The following CEPT1 variants were observed in gnomAD, a reference collection of about 807,000 sequenced individuals.
CEPT1 encodes the protein choline/ethanolamine phosphotransferase 1.
In CEPT1, 7 loss-of-function variants were observed where a neutral mutation model predicts 42.6. That is an observed-to-expected ratio of 0.16 (90% confidence interval 0.09 to 0.31). CEPT1 has a LOEUF of 0.31. Among genes scored for constraint, CEPT1 ranks in the 10% least tolerant of loss-of-function variants. CEPT1 has a pLI of 1.00. For missense variants in CEPT1, 306 were observed against 502.1 expected, an observed-to-expected ratio of 0.61 and a Z score of 3.73; for synonymous variants, 171 against 171.9, an observed-to-expected ratio of 0.99 and a Z score of 0.04.
intron 4 of CEPT1, among the ~76,000 whole-genome samples, chr1:111,163,952 A>G (rs1281232503): frequency 3.9e-5 from 6 of 152,142 alleles, no homozygotes; most frequent in Non-Finnish European, 2.9e-5. Flanking sequence ...ATTTATTTGA[A>G]TTGTTTTATT....
chr1:111,149,451 C>T (rs188893297), intron 2 of CEPT1, among the ~76,000 whole-genome samples: 43 of 152,144 alleles, frequency 2.8e-4, no homozygotes, highest in Admixed American at 1.8e-3. Flanking sequence ...GTAGTAGAGA[C>T]AGGGCTTCAC....
chr1:111,165,073 G>T (rs1186189669), intron 4 of CEPT1, among the ~76,000 whole-genome samples: 3 of 117,024 alleles, frequency 2.6e-5, no homozygotes, highest in Admixed American at 1.1e-4. Flanking sequence ...TTTTTGAGAC[G>T]GAGTCTCACT....
chr1:111,162,818 G>A (rs777683547), intron 4 of CEPT1, among the ~76,000 whole-genome samples: 1 of 152,222 alleles, frequency 6.6e-6, no homozygotes, highest in Non-Finnish European at 1.5e-5. Context: ...GGGATAAGAA[G>A]TGAATGGAAC....
At chr1:111,175,489 C>T (rs1656629422) in intron 5 of CEPT1, among the ~76,000 whole-genome samples, 1 of 152,084 alleles carries the variant, frequency 6.6e-6, no homozygotes. Context: ...GATTCTTTTC[C>T]ACAAACCTCT....
chr1:111,160,786 G>A (rs867319123), intron 3 of CEPT1: 18 of 180,378 alleles, frequency 1.0e-4, no homozygotes, highest in Admixed American at 2.8e-4. Flanking sequence ...CAAGTAAGTC[G>A]GTCCGTCTGG....
intron 4 of CEPT1, among the ~76,000 whole-genome samples, chr1:111,171,953 T>C (rs886884223): frequency 1.3e-5 from 2 of 152,192 alleles, no homozygotes; most frequent in Non-Finnish European, 2.9e-5. Flanking sequence ...GTCAGGCTGG[T>C]CTCAAACTCC....
upstream of CEPT1, chr1:111,140,048 C>G (rs1378182161): frequency 6.6e-6 from 1 of 152,466 alleles, no homozygotes; most frequent in African/African-American, 2.4e-5. Flanking sequence ...CTTACCAGAC[C>G]GACTAGCGCT....
At chr1:111,183,816 T>A (rs1292436986) in intron 8 of CEPT1, among the ~76,000 whole-genome samples, 1 of 152,166 alleles carries the variant, frequency 6.6e-6, no homozygotes, top group East Asian at 1.9e-4. Context: ...GCTCATAAAT[T>A]GCAAATTTCT....
At chr1:111,148,210 C>T (rs1655078928) in intron 2 of CEPT1, among the ~76,000 whole-genome samples, 157 bp downstream of exon 2, 1 of 152,202 alleles carries the variant, frequency 6.6e-6, no homozygotes, top group African/African-American at 2.4e-5. Context: ...GTACAGCCTA[C>T]ACACTTGCTT....
chr1:111,183,522 C>G lies in CEPT1; in HGVS notation c.1066C>G (p.Leu356Val), dbSNP rs1657096949. ...TGACACAGCATTCATAGGTCCGGCA[C>G]TTTTGTTTCTGGACCAGTATTTTAA... ...LHDTAFIGPALLFLDQYFNSF... is the reference protein window; with the variant it reads ...LHDTAFIGPAVLFLDQYFNSF... The change falls in exon 8 of 9, where the codon CTT (leucine) becomes GTT (valine). Residue 356 changes from leucine to valine, a missense_variant. Leu to Val is a conservative substitution (Grantham distance 32, BLOSUM62 1). Around this residue, in one of 2 missense-constraint regions of CEPT1, gnomAD observed 253 missense variants for 447.3 expected, o/e 0.57. Transcript: ENST00000357172. 6.2e-7 allele frequency: 1 copy of G among 1,613,376 alleles called. No homozygotes were observed. The highest frequency in any genetic ancestry group is 8.5e-7 in the Non-Finnish European group (1 of 1,179,468).
At chr1:111,182,430 TTAG>T in intron 6 of CEPT1, 112 bp downstream of exon 6, 1 of 1,209,680 alleles carries the variant, frequency 8.3e-7, no homozygotes, top group Non-Finnish European at 1.2e-6. Flanking sequence ...TAATTTATAC[TTAG>T]CCTTTAAAGA....
Position 111,148,011 on chromosome 1 carries a change from A to G in CEPT1, c.297A>G (p.Thr99=). The change falls in exon 2 of 9, where the codon ACA becomes ACG. Residue 99 remains threonine, a synonymous_variant. Transcript: ENST00000357172. Reference sequence around the variant, plus strand: ...TTGGACTGTCAATAAACATCTGTACAACTATTTTATTAGTCTTCTACTGCC... The same window carrying G: ...TTGGACTGTCAATAAACATCTGTACGACTATTTTATTAGTCTTCTACTGCC... ...TIIGLSINIC[T]TILLVFYCPT... 6.2e-7 allele frequency: 1 copy of G among 1,614,186 alleles called. No homozygotes were observed. The highest frequency in any genetic ancestry group is 8.5e-7 in the Non-Finnish European group (1 of 1,180,018).
chr1:111,147,626 T>A lies in CEPT1; in HGVS notation c.-73-16T>A. On this transcript the variant is annotated splice_polypyrimidine_tract_variant and intron_variant, in intron 1 of 8. Coordinates refer to ENST00000357172, the MANE Select transcript of CEPT1 (RefSeq NM_006090.5). ...ACAAGTGTATTTTTTAATTTTTATT[T>A]TATTTTATTTTTTAGGTAAGCACCA... is the stretch of plus-strand genomic sequence containing the variant. 1.2e-6 allele frequency: 1 copy of A among 842,916 alleles called. No individual in the cohort carries two copies. 52.2% of individuals were successfully genotyped at this position (842,916 alleles called of 1,614,324 possible).
At chr1:111,145,914 A>C (rs1341578904) in intron 1 of CEPT1, among the ~76,000 whole-genome samples, 1 of 152,214 alleles carries the variant, frequency 6.6e-6, no homozygotes, top group Non-Finnish European at 1.5e-5. Context: ...ACAGCAAAAA[A>C]AAGTTAAAAG....
intron 2 of CEPT1, among the ~76,000 whole-genome samples, chr1:111,157,751 G>A (rs182288248): frequency 3.0e-4 from 45 of 152,292 alleles, no homozygotes; most frequent in African/African-American, 1.1e-3. Flanking sequence ...TGTCTTAAAA[G>A]ACGGAACTCA....
At chr1:111,164,321 C>G (rs1329138342) in intron 4 of CEPT1, among the ~76,000 whole-genome samples, 2 of 152,174 alleles carry the variant, frequency 1.3e-5, no homozygotes, top group Admixed American at 1.3e-4. Flanking sequence ...GAGTGCCTGT[C>G]ATGTCTAGAC....
At chr1:111,181,115 G>A (rs1476367625) in intron 5 of CEPT1, 3 of 152,082 alleles carry the variant, frequency 2.0e-5, no homozygotes, top group Admixed American at 1.3e-4. Context: ...AGTAAACCAG[G>A]ATCACACCGC....
At chr1:111,146,583 TCAC>T (rs1654980954) in intron 1 of CEPT1, among the ~76,000 whole-genome samples, 2 of 152,192 alleles carry the variant, frequency 1.3e-5, no homozygotes, top group African/African-American at 4.8e-5. Flanking sequence ...CTATAGGCCC[TCAC>T]CACTTCAAAC....
intron 3 of CEPT1, 161 bp downstream of exon 3, chr1:111,159,688 GGTAGT>G (rs1429122054): frequency 8.0e-6 from 4 of 497,172 alleles, no homozygotes; most frequent in African/African-American, 2.0e-5. Flanking sequence ...GTTCATTATT[GGTAGT>G]GTTAGGAAAT....
Sources: gnomAD v4.1 joint callset for allele counts (sites outside exome capture counted in the v4.1 genomes callset) on GRCh38, gnomAD v4.1.1 for gene constraint, gnomAD v4.1.1 regional missense constraint, MANE v1.5 for transcripts, NCBI Gene and HGNC (gene_info 2026-07-23, HGNC 2026-07-21) for gene names.